Variants in TMEM132B observed in about 807,000 individuals in gnomAD.
TMEM132B encodes the protein transmembrane protein 132B.
Under a neutral mutation model 90.8 loss-of-function variants are expected in TMEM132B, and 18 were observed. The observed-to-expected ratio is 0.20, with a 90% CI of 0.14 to 0.29. The LOEUF (loss-of-function observed/expected upper bound fraction) is 0.29, where lower values mean the gene tolerates loss of function less well. Ranked by LOEUF, TMEM132B falls within the 10% of genes least tolerant of loss-of-function variation. The pLI is 1.00. For synonymous variants in TMEM132B, 504 were observed against 523.3 expected (o/e 0.96, Z 0.50); for missense variants, 1,096 against 1,326.8 (o/e 0.83, Z 2.70).
At chr12:125,198,704 C>G (rs1357663348) in intron 1 of TMEM132B, among the ~76,000 whole-genome samples, 1 of 152,200 alleles carries the variant, frequency 6.6e-6, no homozygotes, top group African/African-American at 2.4e-5. Flanking sequence ...AATATGGATG[C>G]TTGCATCAGA....
intron 5 of TMEM132B, among the ~76,000 whole-genome samples, chr12:125,630,503 TTTTG>T (rs1374714320): frequency 6.6e-6 from 1 of 152,126 alleles, no homozygotes; most frequent in African/African-American, 2.4e-5. Context: ...TCATCCCTGC[TTTTG>T]TTTATTTGGA....
chr12:125,549,718 G>A (rs1884172425), intron 4 of TMEM132B, among the ~76,000 whole-genome samples: 1 of 152,140 alleles, frequency 6.6e-6, no homozygotes, highest in Admixed American at 6.5e-5. Context: ...TTCCTCCCCT[G>A]AAAATTTACG....
At chr12:125,577,681 A>G (rs144973307) in intron 4 of TMEM132B, among the ~76,000 whole-genome samples, 102 of 151,592 alleles carry the variant, frequency 6.7e-4, no homozygotes, top group African/African-American at 2.3e-3. Flanking sequence ...TAGTTCTCTA[A>G]GGTAGAAGGC....
Position 125,243,849 on chromosome 12 carries a change from G to A in TMEM132B, c.67+56983G>A, listed in dbSNP as rs1053101222. ...TGCAGACCTGAACGAATGCAGACCT[G>A]CAAATGTAGCCACAGCATTTGCCTC... On this transcript the variant is annotated intron_variant, in intron 1 of 8. Coordinates refer to ENST00000682704, the MANE Select transcript of TMEM132B (RefSeq NM_001366854.1). 1.4e-4 allele frequency among the ~76,000 whole-genome samples: 22 copies of A among 152,148 alleles called. 1 individual carries two copies. Among genetic ancestry groups the A allele is most frequent in the Admixed American group, 1.2e-3 (19 of 15,278 alleles).
intron 1 of TMEM132B, among the ~76,000 whole-genome samples, chr12:125,280,839 C>T (rs569250238): frequency 6.6e-6 from 1 of 152,194 alleles, no homozygotes; most frequent in African/African-American, 2.4e-5. Flanking sequence ...CCAGACTTTG[C>T]GGGAAGAATG....
At chr12:125,266,934 A>C (rs935471526) in intron 1 of TMEM132B, among the ~76,000 whole-genome samples, 2 of 152,130 alleles carry the variant, frequency 1.3e-5, no homozygotes, top group Non-Finnish European at 2.9e-5. Context: ...TGAGCAAGTC[A>C]TTGTATTGGA....
chr12:125,540,478 T>C (rs1194268938), intron 4 of TMEM132B, among the ~76,000 whole-genome samples: 3 of 152,220 alleles, frequency 2.0e-5, no homozygotes, highest in Non-Finnish European at 4.4e-5. Flanking sequence ...GCTCTATCCA[T>C]TTTGAAGCTC....
intron 2 of TMEM132B, among the ~76,000 whole-genome samples, chr12:125,390,030 A>G (rs917439306): frequency 6.6e-6 from 1 of 152,164 alleles, no homozygotes; most frequent in South Asian, 2.1e-4. Flanking sequence ...TAAGCTCCAT[A>G]TGCTCCTTCC....
chr12:125,423,057 C>A (rs765101479), intron 3 of TMEM132B, among the ~76,000 whole-genome samples: 14 of 152,180 alleles, frequency 9.2e-5, no homozygotes, highest in Admixed American at 1.3e-4. Flanking sequence ...GTCCTGGATG[C>A]AGATTCCCTA....
chr12:125,262,388 C>T (rs1383837051), intron 1 of TMEM132B, among the ~76,000 whole-genome samples: 1 of 151,838 alleles, frequency 6.6e-6, no homozygotes, highest in Non-Finnish European at 1.5e-5. Context: ...AAAATAGGGG[C>T]CAACATAAAA....
chr12:125,604,098 A>G (rs922659992), intron 5 of TMEM132B, among the ~76,000 whole-genome samples: 2 of 152,268 alleles, frequency 1.3e-5, no homozygotes, highest in African/African-American at 4.8e-5. Flanking sequence ...ATTACTGGGT[A>G]TATACCTAAA....
At chr12:125,606,314 CTTTTTTT>C (rs368313402) in intron 5 of TMEM132B, among the ~76,000 whole-genome samples, 6 of 129,622 alleles carry the variant, frequency 4.6e-5, no homozygotes, top group Admixed American at 1.5e-4. Context: ...GATTTCTTTC[CTTTTTTT>C]TTTTTTTTTT....
intron 5 of TMEM132B, among the ~76,000 whole-genome samples, chr12:125,589,912 A>C (rs1885278628): frequency 6.6e-6 from 1 of 152,086 alleles, no homozygotes; most frequent in Non-Finnish European, 1.5e-5. Context: ...ATCAGCCTCC[A>C]AATCTCATGT....
chr12:125,568,757 G>T (rs185757655), intron 4 of TMEM132B, among the ~76,000 whole-genome samples: 3 of 152,288 alleles, frequency 2.0e-5, no homozygotes, highest in African/African-American at 7.2e-5. Flanking sequence ...AAAGAAGCGG[G>T]TGTGTAGCTG....
chr12:125,232,596 A>C (rs1372539558), intron 1 of TMEM132B, among the ~76,000 whole-genome samples: 2 of 152,194 alleles, frequency 1.3e-5, no homozygotes, highest in African/African-American at 4.8e-5. Flanking sequence ...CAAATATAGA[A>C]TTGACACCTG....
chr12:125,370,930 G>A (rs1410447985), intron 2 of TMEM132B, among the ~76,000 whole-genome samples: 1 of 152,140 alleles, frequency 6.6e-6, no homozygotes, highest in Non-Finnish European at 1.5e-5. Flanking sequence ...TTGCAGATAG[G>A]CCATCTGCAA....
intron 3 of TMEM132B, among the ~76,000 whole-genome samples, chr12:125,433,186 AG>A (rs1390264528): frequency 5.3e-5 from 8 of 152,306 alleles, no homozygotes; most frequent in South Asian, 2.1e-4. Context: ...TAATAACTGC[AG>A]GTTTACAGGA....
At chr12:125,488,562 T>A (rs536546215) in intron 3 of TMEM132B, among the ~76,000 whole-genome samples, 75 of 152,254 alleles carry the variant, frequency 4.9e-4, no homozygotes, top group Admixed American at 3.3e-3. Flanking sequence ...CTGCACAAGC[T>A]CTCTCTTTGC....
At chr12:125,304,777 A>G (rs1016182089) in intron 1 of TMEM132B, among the ~76,000 whole-genome samples, 4 of 152,084 alleles carry the variant, frequency 2.6e-5, no homozygotes, top group South Asian at 2.1e-4. Flanking sequence ...GCTGTAGTGC[A>G]CCATGTCTGC....
Sources: allele counts gnomAD v4.1 joint callset (sites outside exome capture counted in the v4.1 genomes callset), GRCh38; gene constraint gnomAD v4.1.1; transcripts MANE v1.5; gene names NCBI Gene and HGNC (gene_info 2026-07-23, HGNC 2026-07-21).